The following ZRANB1 variants were observed in gnomAD, a reference collection of about 807,000 sequenced individuals.
ZRANB1 encodes ubiquitin thioesterase ZRANB1.
A neutral mutation model predicts 80.5 loss-of-function variants in ZRANB1; 16 were observed. The observed-to-expected ratio is 0.20, with a 90% CI of 0.13 to 0.30. ZRANB1 has a LOEUF of 0.30. Among genes scored for constraint, ZRANB1 ranks in the 10% least tolerant of loss-of-function variants. The pLI is 1.00. For synonymous variants in ZRANB1, 291 were observed against 293.1 expected (o/e 0.99, Z 0.07); for missense variants, 576 against 862.6 (o/e 0.67, Z 4.16).
the ZRANB1 span, among the ~76,000 whole-genome samples, chr10:124,931,561 A>G: frequency 1.3e-5 from 2 of 151,976 alleles, no homozygotes; most frequent in Non-Finnish European, 2.9e-5. Context: ...GGTAGAGACA[A>G]GGTTTCACCA....
chr10:124,930,748 A>G, the ZRANB1 span, among the ~76,000 whole-genome samples: 1 of 152,166 alleles, frequency 6.6e-6, no homozygotes, highest in African/African-American at 2.4e-5. Flanking sequence ...TAAAAGATTA[A>G]TCATGGCTAT....
the ZRANB1 span, among the ~76,000 whole-genome samples, chr10:124,934,080 T>C: frequency 1.6e-4 from 24 of 152,336 alleles, no homozygotes; most frequent in African/African-American, 5.8e-4. Context: ...AATGTATCCT[T>C]GACAGATTAA....
upstream of ZRANB1, among the ~76,000 whole-genome samples, chr10:124,941,211 A>G (rs201023256): frequency 6.8e-6 from 1 of 147,740 alleles, no homozygotes; most frequent in South Asian, 2.2e-4. Flanking sequence ...AAAAAAAAAA[A>G]TTAAATTTGT....
chr10:124,936,428 T>G, the ZRANB1 span, among the ~76,000 whole-genome samples: 65 of 152,284 alleles, frequency 4.3e-4, no homozygotes, highest in Admixed American at 9.8e-4. Context: ...CTCTGCTGGG[T>G]GCAGAGGTAT....
chr10:124,983,464 T>C lies in ZRANB1; in HGVS notation c.1684T>C (p.Tyr562His). The C allele has an allele frequency of 6.2e-7, 1 of 1,609,510 alleles. No individual in the cohort carries two copies. Among genetic ancestry groups the C allele is most frequent in the Non-Finnish European group, 8.5e-7 (1 of 1,176,280 alleles). The change falls in exon 8 of 9, where the codon TAT becomes CAT. Residue 562 changes from tyrosine to histidine, a missense_variant. Transcript: ENST00000359653. The surrounding 1 kb of genome is among the most constrained non-coding windows in gnomAD (Gnocchi z 6.2). ...TLGYTRFQGV[Y>H]LPLLWEQSFC... ...TTTCTTCCCTCTCTTTCCAGGTGTTTATCTGCCTTTGTTGTGGGAACAGAG... is the reference window on the plus strand; with the variant it reads ...TTTCTTCCCTCTCTTTCCAGGTGTTCATCTGCCTTTGTTGTGGGAACAGAG...
At chr10:124,965,739 G>A (rs913869270) in intron 1 of ZRANB1, among the ~76,000 whole-genome samples, 7 of 152,094 alleles carry the variant, frequency 4.6e-5, no homozygotes, top group African/African-American at 1.2e-4. Flanking sequence ...AACACTTTTT[G>A]TGGTAAATTG....
At chr10:124,931,948 A>G in the ZRANB1 span, among the ~76,000 whole-genome samples, 5 of 152,302 alleles carry the variant, frequency 3.3e-5, no homozygotes, top group East Asian at 3.9e-4. Context: ...TCACTGCTCT[A>G]AAACTCCTCT....
chr10:124,982,011 T>C (rs1951938385), intron 6 of ZRANB1, among the ~76,000 whole-genome samples, 182 bp downstream of exon 6: 1 of 151,764 alleles, frequency 6.6e-6, no homozygotes, highest in Non-Finnish European at 1.5e-5. Context: ...GCATCGCAAG[T>C]ATAGATGAGC....
the ZRANB1 span, among the ~76,000 whole-genome samples, chr10:124,933,330 G>A: frequency 6.6e-6 from 1 of 151,826 alleles, no homozygotes; most frequent in Non-Finnish European, 1.5e-5. Flanking sequence ...ATAGAGACAG[G>A]GTTTCACCAT....
the ZRANB1 span, among the ~76,000 whole-genome samples, chr10:124,922,281 A>AATATATATATATATTTAAAAT: frequency 1.1e-5 from 1 of 87,454 alleles, no homozygotes; most frequent in Non-Finnish European, 2.3e-5. Context: ...ATATATGTAA[A>AATATATATATATATTTAAAAT]ATATATATAT....
At chr10:124,951,725 G>A (rs1951640375) in intron 1 of ZRANB1, among the ~76,000 whole-genome samples, 1 of 152,124 alleles carries the variant, frequency 6.6e-6, no homozygotes, top group East Asian at 1.9e-4. Context: ...GGGAGAGCGG[G>A]GCGGTCGGAT....
chr10:124,940,125 T>C (rs1951521637), upstream of ZRANB1, among the ~76,000 whole-genome samples: 1 of 152,192 alleles, frequency 6.6e-6, no homozygotes. Context: ...ATAGTAATAT[T>C]AGAACTGTGT....
chr10:124,977,129 C>T lies in ZRANB1; in HGVS notation c.1427+2731C>T, dbSNP rs529276654. Among the ~76,000 whole-genome samples the T allele has an allele frequency of 1.7e-4, 26 of 151,462 alleles. 1 individual carries two copies. In the South Asian group the frequency reaches 5.2e-3, roughly 30 times the overall value. On this transcript the variant is annotated intron_variant, in intron 5 of 8. Transcript: ENST00000359653. ...GGGACTGTAGGAGTGTGCCACCACA[C>T]GTGGCTAATTTTAAAATTTTTCTGT...
chr10:124,952,030 A>G (rs1951642839), intron 1 of ZRANB1, among the ~76,000 whole-genome samples: 1 of 152,186 alleles, frequency 6.6e-6, no homozygotes, highest in South Asian at 2.1e-4. Context: ...CCAAATTTAC[A>G]TTTTTAACTT....
At chr10:124,951,161 T>TC (rs1426996564) in intron 1 of ZRANB1, among the ~76,000 whole-genome samples, 1 of 152,220 alleles carries the variant, frequency 6.6e-6, no homozygotes, top group Non-Finnish European at 1.5e-5. Flanking sequence ...CAGAGGTTTT[T>TC]CTCAAGTAAA....
At position 124,987,818 on chromosome 10, in the gene ZRANB1, G is replaced by A. The variant is rs138478993; in HGVS notation, c.*2826G>A. 3 of 152,212 alleles carry A rather than the reference G, an allele frequency of 2.0e-5. No homozygotes were observed. Among genetic ancestry groups the A allele is most frequent in the East Asian group, 1.9e-4 (1 of 5,190 alleles). 9.4% of individuals were successfully genotyped at this position (152,212 alleles called of 1,614,324 possible). On this transcript the variant is annotated 3_prime_UTR_variant, in exon 9 of 9. Transcript: ENST00000359653. ...AGAGCTCAGAGGGAGTTTCATACCT[G>A]GAATTGTTGGACTTAATTGACACTT...
At chr10:124,953,276 C>A (rs1442252792) in intron 1 of ZRANB1, among the ~76,000 whole-genome samples, 1 of 152,060 alleles carries the variant, frequency 6.6e-6, no homozygotes, top group East Asian at 1.9e-4. Context: ...ACTTAATTTT[C>A]ACCAGTTCCT....
At chr10:124,966,498 G>C in intron 1 of ZRANB1, 96 bp from the exon 2 acceptor site, 1 of 1,234,370 alleles carries the variant, frequency 8.1e-7, no homozygotes, top group Non-Finnish European at 1.2e-6. Context: ...AGGAAGCACA[G>C]AGAAACACTT....
chr10:124,968,056 G>A (rs1951791003), intron 2 of ZRANB1, among the ~76,000 whole-genome samples: 1 of 151,996 alleles, frequency 6.6e-6, no homozygotes, highest in African/African-American at 2.4e-5. Context: ...ATGCCACCAT[G>A]CCTGGCTAAT....
Sources: allele counts gnomAD v4.1 joint callset (sites outside exome capture counted in the v4.1 genomes callset), GRCh38; gene constraint gnomAD v4.1.1; non-coding constraint Gnocchi (gnomAD v3.1); transcripts MANE v1.5; gene names NCBI Gene and HGNC (gene_info 2026-07-23, HGNC 2026-07-21).